CADPS2: variants seen among roughly 807,000 people sequenced by gnomAD.
CADPS2 encodes the protein calcium dependent secretion activator 2, also known as calcium-dependent secretion activator 2.
CADPS2 carries 93 observed loss-of-function variants against 172.5 expected under a neutral mutation model. That is an observed-to-expected ratio of 0.54 (90% confidence interval 0.46 to 0.64). The LOEUF is 0.64. Among genes scored for constraint, CADPS2 ranks in the 30% least tolerant of loss-of-function variants. CADPS2 has a pLI of 0.00. For missense variants in CADPS2, 1,420 were observed against 1,565.9 expected, an observed-to-expected ratio of 0.91 and a Z score of 1.57; for synonymous variants, 546 against 555.2, an observed-to-expected ratio of 0.98 and a Z score of 0.23.
intron 1 of CADPS2, among the ~76,000 whole-genome samples, chr7:122,878,829 G>A (rs1010728093): frequency 1.2e-4 from 18 of 152,040 alleles, no homozygotes; most frequent in East Asian, 3.9e-4. Flanking sequence ...CTATATCCTC[G>A]GAACATATTG....
chr7:122,382,013 T>C (rs576753177), intron 24 of CADPS2, among the ~76,000 whole-genome samples: 5 of 152,226 alleles, frequency 3.3e-5, no homozygotes, highest in South Asian at 2.1e-4. Context: ...GGAGGTCGTA[T>C]AGGCACATGA....
intron 25 of CADPS2, among the ~76,000 whole-genome samples, chr7:122,375,976 C>T (rs149030324): frequency 4.6e-4 from 70 of 151,720 alleles, no homozygotes; most frequent in African/African-American, 1.5e-3. Context: ...AACAGGTATA[C>T]GAAAAGGAGC....
At chr7:122,618,929 G>A (rs1483531391) in intron 5 of CADPS2, among the ~76,000 whole-genome samples, 1 of 152,130 alleles carries the variant, frequency 6.6e-6, no homozygotes, top group Non-Finnish European at 1.5e-5. Flanking sequence ...TTATGCTATG[G>A]TAGGAAAATA....
At chr7:122,580,438 G>A (rs566068817) in intron 7 of CADPS2, among the ~76,000 whole-genome samples, 1 of 135,552 alleles carries the variant, frequency 7.4e-6, no homozygotes, top group East Asian at 2.1e-4. Context: ...GGGCAACAGA[G>A]CAAGATTCTG....
At chr7:122,333,104 T>C (rs1427097891) in intron 28 of CADPS2, among the ~76,000 whole-genome samples, 1 of 152,234 alleles carries the variant, frequency 6.6e-6, no homozygotes, top group Non-Finnish European at 1.5e-5. Context: ...TAATGGTGTA[T>C]GTACTAGTTT....
intron 2 of CADPS2, among the ~76,000 whole-genome samples, chr7:122,689,277 G>C (rs550878430): frequency 3.9e-5 from 6 of 152,258 alleles, no homozygotes; most frequent in African/African-American, 4.8e-5. Flanking sequence ...TCAGGGATGA[G>C]TTTTCAACAT....
chr7:122,702,503 T>G (rs2086308377), intron 2 of CADPS2: 2 of 1,613,604 alleles, frequency 1.2e-6, no homozygotes, highest in Non-Finnish European at 1.7e-6. Context: ...ACAGGCATTC[T>G]GATTCCATCC....
chr7:122,558,428 C>A (rs145442061), intron 7 of CADPS2, among the ~76,000 whole-genome samples: 1 of 152,238 alleles, frequency 6.6e-6, no homozygotes, highest in African/African-American at 2.4e-5. Flanking sequence ...TTTCTCTTAA[C>A]CTTTCCGTAT....
At chr7:122,348,757 C>T (rs2151009424) in intron 27 of CADPS2, among the ~76,000 whole-genome samples, 1 of 152,242 alleles carries the variant, frequency 6.6e-6, no homozygotes, top group Admixed American at 6.5e-5. Context: ...AGAGTAACTG[C>T]AACAGCTGGT....
intron 3 of CADPS2, among the ~76,000 whole-genome samples, chr7:122,637,171 CTTTTTTTTTTTTTTTT>C (rs71161313): frequency 4.3e-4 from 23 of 53,904 alleles, no homozygotes; most frequent in African/African-American, 6.6e-4. Context: ...TGAAATTTTG[CTTTTTTTTTTTTTTTT>C]TTTTTTTTTT....
intron 1 of CADPS2, among the ~76,000 whole-genome samples, chr7:122,785,533 TCTTA>T (rs1292035199): frequency 6.6e-6 from 1 of 152,140 alleles, no homozygotes; most frequent in Non-Finnish European, 1.5e-5. Flanking sequence ...AGGGTCTGAA[TCTTA>T]CTTGTGTGAG....
intron 1 of CADPS2, among the ~76,000 whole-genome samples, chr7:122,868,125 T>A (rs1818774193): frequency 6.6e-6 from 1 of 152,124 alleles, no homozygotes; most frequent in South Asian, 2.1e-4. Context: ...GGAAGTAGTT[T>A]CTGCATGCAT....
intron 3 of CADPS2, among the ~76,000 whole-genome samples, chr7:122,646,415 T>C (rs1195724475): frequency 1.3e-5 from 2 of 152,190 alleles, no homozygotes; most frequent in East Asian, 3.9e-4. Context: ...AAGCTCTTCA[T>C]ACATTTTTTC....
chr7:122,388,884 C>G, intron 22 of CADPS2, 146 bp from the exon 23 acceptor site: 3 of 764,310 alleles, frequency 3.9e-6, no homozygotes, highest in Non-Finnish European at 5.8e-6. Flanking sequence ...TTTCTTTGTT[C>G]AGCCTTCTAA....
chr7:122,702,504 G>C, intron 2 of CADPS2: 1 of 1,613,580 alleles, frequency 6.2e-7, no homozygotes, highest in Non-Finnish European at 8.5e-7. Context: ...CAGGCATTCT[G>C]ATTCCATCCT....
At chr7:122,705,705 ATCAT>A (rs1435354234) in intron 2 of CADPS2, among the ~76,000 whole-genome samples, 1 of 26,454 alleles carries the variant, frequency 3.8e-5, no homozygotes, top group Admixed American at 9.3e-4. Flanking sequence ...TATATAATAT[ATCAT>A]ATATTATATA....
rs1238320109 is a variant in CADPS2, at chr7:122,645,450, CAT to C, written c.787-16124_787-16123del. ...GTGTATATATGTATATATACACACA[CAT>C]ATGTATATATGTGTATATATGTATA... is the stretch of plus-strand genomic sequence containing the variant. On this transcript the variant is annotated intron_variant, in intron 3 of 29. Coordinates refer to ENST00000449022, the MANE Select transcript of CADPS2 (RefSeq NM_017954.11). 2.2e-4 allele frequency among the ~76,000 whole-genome samples: 17 copies of C among 76,458 alleles called. 2 individuals carry two copies. Among genetic ancestry groups the C allele is most frequent in the East Asian group, 2.0e-3 (7 of 3,498 alleles). 50.2% of individuals were successfully genotyped at this position (76,458 alleles called of 152,430 possible).
At chr7:122,480,979 T>G (rs1036223609) in intron 11 of CADPS2, 119 bp from the exon 12 acceptor site, 1 of 909,680 alleles carries the variant, frequency 1.1e-6, no homozygotes, top group African/African-American at 1.7e-5. Context: ...ATTTTAAAAG[T>G]TGTTTTTCTA....
chr7:122,598,939 A>G (rs1670556421), intron 6 of CADPS2, among the ~76,000 whole-genome samples: 1 of 152,086 alleles, frequency 6.6e-6, no homozygotes. Flanking sequence ...CTGAGAACAT[A>G]TAGGGTATTA....
Sources: gnomAD v4.1 joint callset for allele counts (sites outside exome capture counted in the v4.1 genomes callset) on GRCh38, gnomAD v4.1.1 for gene constraint, MANE v1.5 for transcripts, NCBI Gene and HGNC (gene_info 2026-07-23, HGNC 2026-07-21) for gene names.